Variants in CAPN9 observed in about 807,000 individuals in gnomAD.
CAPN9 encodes calpain-9.
A neutral mutation model predicts 92.8 loss-of-function variants in CAPN9; 81 were observed. The ratio of observed to expected loss-of-function variants is 0.87; its 90% CI spans 0.73 to 1.05. CAPN9 has a LOEUF of 1.05. CAPN9 is among the 50% of genes least tolerant of loss of function. CAPN9 has a pLI of 0.00. For missense variants in CAPN9, 848 were observed against 866.2 expected (o/e 0.98, Z 0.26); for synonymous variants, 304 against 328.0 (o/e 0.93, Z 0.79).
At chr1:230,772,905 A>G (rs866952414) in intron 7 of CAPN9, among the ~76,000 whole-genome samples, 1 of 152,088 alleles carries the variant, frequency 6.6e-6, no homozygotes. Context: ...TCCCTTGGGA[A>G]GTGGACCAGG....
At chr1:230,770,325 C>T (rs1259790727) in intron 6 of CAPN9, among the ~76,000 whole-genome samples, 3 of 152,164 alleles carry the variant, frequency 2.0e-5, no homozygotes, top group African/African-American at 7.2e-5. Context: ...GAGTGAATTC[C>T]CCCTTCCTCT....
At chr1:230,783,511 C>T (rs1405874627) in intron 11 of CAPN9, among the ~76,000 whole-genome samples, 1 of 152,170 alleles carries the variant, frequency 6.6e-6, no homozygotes, top group Non-Finnish European at 1.5e-5. Flanking sequence ...ACCTGCCCCA[C>T]CCCTGCTCCT....
intron 12 of CAPN9, chr1:230,786,235 C>T: frequency 1.1e-6 from 1 of 913,920 alleles, no homozygotes; most frequent in Non-Finnish European, 1.3e-6. Context: ...GAGGTGGGTG[C>T]TTGGTATAAA....
intron 1 of CAPN9, among the ~76,000 whole-genome samples, chr1:230,748,702 A>G (rs1490354679): frequency 6.6e-6 from 1 of 152,132 alleles, no homozygotes; most frequent in Non-Finnish European, 1.5e-5. Context: ...TATTATTATC[A>G]TCATTACAAT....
intron 12 of CAPN9, 92 bp from the exon 13 acceptor site, chr1:230,787,430 G>A: frequency 9.7e-7 from 1 of 1,029,246 alleles, no homozygotes; most frequent in Non-Finnish European, 1.5e-6. Context: ...ACATGGGGCT[G>A]GGCACACAGG....
At chr1:230,750,141 G>A (rs1037602590) in intron 1 of CAPN9, among the ~76,000 whole-genome samples, 6 of 152,046 alleles carry the variant, frequency 3.9e-5, no homozygotes, top group Admixed American at 2.0e-4. Flanking sequence ...TGCCCCAAAC[G>A]CTGGGTGAGG....
At chr1:230,791,732 C>T (rs1668002011) in intron 14 of CAPN9, 132 bp from the exon 15 acceptor site, 2 of 618,784 alleles carry the variant, frequency 3.2e-6, no homozygotes, top group African/African-American at 3.7e-5. Context: ...CTCCTACCAG[C>T]ATCATAAGAG....
intron 4 of CAPN9, among the ~76,000 whole-genome samples, chr1:230,766,557 A>C (rs542977070): frequency 2.0e-5 from 3 of 152,222 alleles, no homozygotes; most frequent in Non-Finnish European, 2.9e-5. Context: ...ATAAACTGTC[A>C]CAGCCACAAA....
At chr1:230,782,417 GT>G (rs889308729) in intron 11 of CAPN9, among the ~76,000 whole-genome samples, 3 of 152,118 alleles carry the variant, frequency 2.0e-5, no homozygotes, top group African/African-American at 7.2e-5. Context: ...ATGTTTATTT[GT>G]ATTCCCTTTG....
chr1:230,790,758 G>A (rs1366393132), intron 14 of CAPN9, among the ~76,000 whole-genome samples: 2 of 152,142 alleles, frequency 1.3e-5, no homozygotes, highest in Non-Finnish European at 2.9e-5. Flanking sequence ...TGGTCAACAT[G>A]GTGAAACCCC....
intron 4 of CAPN9, among the ~76,000 whole-genome samples, chr1:230,766,636 A>G (rs12123669): frequency 0.42 from 64,173 of 152,116 alleles, 14,095 homozygotes; most frequent in Non-Finnish European, 0.48. Context: ...CAGAAAAAGG[A>G]CATTAGGTAA....
Position 230,769,039 on chromosome 1 carries a change from A to G in CAPN9, c.706-141A>G, listed in dbSNP as rs867518536. The G allele has an allele frequency of 4.5e-6, 3 of 671,240 alleles. No homozygotes were observed. In the South Asian group the frequency reaches 5.5e-5, roughly 12 times the overall value. The allele number at this position is 671,240 out of a possible 1,614,324, so 41.6% of individuals were successfully genotyped here. On this transcript the variant is annotated intron_variant, in intron 5 of 19. Transcript: ENST00000271971. ...TAAACATCCTAGGGGAGCCCCGTGCATAGCCCACGCACATGGCCTGCACCT... is the reference window on the plus strand; with the variant it reads ...TAAACATCCTAGGGGAGCCCCGTGCGTAGCCCACGCACATGGCCTGCACCT...
intron 4 of CAPN9, among the ~76,000 whole-genome samples, chr1:230,763,494 A>C (rs556398962): frequency 1.3e-5 from 2 of 152,308 alleles, no homozygotes; most frequent in South Asian, 4.2e-4. Flanking sequence ...GGAACCAAGA[A>C]ATTCATTTTT....
At chr1:230,756,475 G>A (rs977520349) in intron 2 of CAPN9, among the ~76,000 whole-genome samples, 1 of 152,098 alleles carries the variant, frequency 6.6e-6, no homozygotes, top group Non-Finnish European at 1.5e-5. Context: ...ATAGATAGAT[G>A]GTAGTAAATA....
At chr1:230,749,966 C>T (rs965236676) in intron 1 of CAPN9, among the ~76,000 whole-genome samples, 7 of 152,234 alleles carry the variant, frequency 4.6e-5, no homozygotes, top group African/African-American at 1.7e-4. Flanking sequence ...TAGAATTCTC[C>T]AAGATAAAAG....
intron 10 of CAPN9, 77 bp downstream of exon 10, chr1:230,780,413 C>T (rs548006202): frequency 6.9e-5 from 110 of 1,594,844 alleles, no homozygotes; most frequent in African/African-American, 2.7e-4. Flanking sequence ...GTCTCACACC[C>T]GAGACTCAAC....
chr1:230,765,958 T>C (rs114692159), intron 4 of CAPN9, among the ~76,000 whole-genome samples: 3,939 of 152,260 alleles, frequency 0.026, 167 homozygotes, highest in African/African-American at 0.088. Flanking sequence ...AACACTACCT[T>C]AGCCAGGTGA....
rs770265135 is a variant in CAPN9, at chr1:230,747,564, A to C, written c.68A>C (p.His23Pro). 2 of 1,613,470 alleles carry C rather than the reference A, an allele frequency of 1.2e-6. No individual in the cohort carries two copies. Among genetic ancestry groups the C allele is most frequent in the African/African-American group, 2.7e-5 (2 of 74,678 alleles). ...GTTCCCAAGGACGCCCGGATCACCC[A>C]CTCCTCAGGCCAGAGCTTTGAGCAA... Reference protein sequence around the residue: ...HPVPKDARITHSSGQSFEQMR... With the variant: ...HPVPKDARITPSSGQSFEQMR... Residue 23 changes from histidine (H) to proline (P), a missense_variant, in exon 1 of 20, where the codon CAC (histidine) becomes CCC (proline). His to Pro is a moderately conservative substitution (Grantham distance 77). Coordinates refer to ENST00000271971, the MANE Select transcript of CAPN9 (RefSeq NM_006615.3).
intron 19 of CAPN9, among the ~76,000 whole-genome samples, chr1:230,800,298 GAAAGAAAGGAAA>G (rs1392793993): frequency 0.1 from 9,639 of 95,444 alleles, 724 homozygotes; most frequent in Middle Eastern, 0.23. Context: ...AAGAAAGAAA[GAAAGAAAGGAAA>G]AACAAGAGAG....
Sources: allele counts gnomAD v4.1 joint callset (sites outside exome capture counted in the v4.1 genomes callset), GRCh38; gene constraint gnomAD v4.1.1; transcripts MANE v1.5; gene names NCBI Gene and HGNC (gene_info 2026-07-23, HGNC 2026-07-21).